GPAM: variants seen among roughly 807,000 people sequenced by gnomAD.
The protein encoded by GPAM is glycerol-3-phosphate acyltransferase 1, mitochondrial.
Under a neutral mutation model 105.0 loss-of-function variants are expected in GPAM, and 56 were observed. The ratio of observed to expected loss-of-function variants is 0.53; its 90% confidence interval spans 0.43 to 0.67. The LOEUF is 0.67. Ranked by LOEUF, GPAM falls within the 30% of genes least tolerant of loss-of-function variation. The pLI is 0.00. For missense variants in GPAM, 855 were observed against 989.8 expected, an observed-to-expected ratio of 0.86 and a Z score of 1.83; for synonymous variants, 368 against 354.4, an observed-to-expected ratio of 1.04 and a Z score of -0.43.
At chr10:112,201,169 TGAG>T (rs1007357443) in intron 1 of GPAM, among the ~76,000 whole-genome samples, 8 of 152,156 alleles carry the variant, frequency 5.3e-5, no homozygotes, top group African/African-American at 1.9e-4. Context: ...GGGGGCAGTG[TGAG>T]GAGAAGAACC....
intron 1 of GPAM, among the ~76,000 whole-genome samples, chr10:112,209,658 C>T (rs1297908713): frequency 6.6e-6 from 1 of 152,106 alleles, no homozygotes; most frequent in African/African-American, 2.4e-5. Context: ...CTCTCAGTAC[C>T]AAGGTTTATC....
intron 1 of GPAM, among the ~76,000 whole-genome samples, chr10:112,204,328 AAG>A (rs1378009178): frequency 1.1e-4 from 17 of 150,936 alleles, no homozygotes; most frequent in African/African-American, 3.9e-4. Context: ...CTGGTGACAC[AAG>A]AGATCTGGGG....
the GPAM span, among the ~76,000 whole-genome samples, chr10:112,226,864 A>G: frequency 6.6e-6 from 1 of 152,186 alleles, no homozygotes; most frequent in Non-Finnish European, 1.5e-5. Context: ...GATTCCATCC[A>G]AGCCATGAGG....
chr10:112,151,439 A>C lies in GPAM; in HGVS notation c.*2111T>G. On this transcript the variant is annotated 3_prime_UTR_variant, in exon 22 of 22. Coordinates refer to ENST00000348367, the MANE Select transcript of GPAM (RefSeq NM_001244949.2). ...CTTTGGTTGAGATTTTTCTCCCTTAAAAAAGATTTTCAAAGCACCAGTTAA... is the reference window on the plus strand; with the variant it reads ...CTTTGGTTGAGATTTTTCTCCCTTACAAAAGATTTTCAAAGCACCAGTTAA... The C allele has an allele frequency of 1.0e-6, 1 of 985,760 alleles. No homozygotes were observed. The highest frequency in any genetic ancestry group is 1.2e-6 in the Non-Finnish European group (1 of 829,866). The allele number at this position is 985,760 out of a possible 1,614,324, so 61.1% of individuals were successfully genotyped here.
chr10:112,214,194 A>G (rs1847943996), intron 1 of GPAM: 1 of 152,130 alleles, frequency 6.6e-6, no homozygotes, highest in Non-Finnish European at 1.5e-5. Flanking sequence ...TTAAGACAAC[A>G]CGGACAGAAG....
At chr10:112,157,194 A>G in intron 19 of GPAM, 55 bp downstream of exon 19, 1 of 1,483,954 alleles carries the variant, frequency 6.7e-7, no homozygotes, top group Admixed American at 1.7e-5. Context: ...ATCTCACTGC[A>G]GCATAAACCT....
chr10:112,157,317 A>C lies in GPAM; in HGVS notation c.2053T>G (p.Ser685Ala), dbSNP rs1372371049. The change falls in exon 19 of 22, where the codon TCT becomes GCT. Residue 685 changes from serine to alanine, a missense_variant. Physicochemically the swap from Ser to Ala is moderately conservative, Grantham distance 99. Transcript: ENST00000348367. ...TCATCTTCTTCATCACTTCTCCAAGACAAAGGTTCTGGAAGCTTCTTGTCC... is the reference window on the plus strand; with the variant it reads ...TCATCTTCTTCATCACTTCTCCAAGCCAAAGGTTCTGGAAGCTTCTTGTCC... Reference protein sequence around the residue: ...QWDKKLPEPLSWRSDEEDEDS... With the variant: ...QWDKKLPEPLAWRSDEEDEDS... 7 of 1,613,522 alleles carry C rather than the reference A, an allele frequency of 4.3e-6. No individual in the cohort carries two copies. Among genetic ancestry groups the C allele is most frequent in the Non-Finnish European group, 5.9e-6 (7 of 1,179,544 alleles).
intron 4 of GPAM, 152 bp downstream of exon 4, chr10:112,180,321 A>C: frequency 1.4e-6 from 1 of 717,400 alleles, no homozygotes; most frequent in East Asian, 2.7e-5. Context: ...ATGGAAAGAA[A>C]AAGTGTGTCA....
intron 8 of GPAM, 119 bp from the exon 9 acceptor site, chr10:112,172,437 A>C (rs1279179902): frequency 1.3e-6 from 1 of 757,400 alleles, no homozygotes; most frequent in Non-Finnish European, 2.4e-6. Flanking sequence ...ACTCTTTAAA[A>C]ACATTTTCCA....
the GPAM span, among the ~76,000 whole-genome samples, chr10:112,227,604 T>C: frequency 6.6e-6 from 1 of 152,154 alleles, no homozygotes; most frequent in Non-Finnish European, 1.5e-5. Flanking sequence ...CTGAAGAAGA[T>C]GGGCCAAGAC....
At chr10:112,186,925 A>T, upstream of GPAM, among the ~76,000 whole-genome samples, 1 of 152,218 alleles carries the variant, frequency 6.6e-6, no homozygotes, top group Non-Finnish European at 1.5e-5. Context: ...AACATGTACA[A>T]ATAAAATGTA....
At chr10:112,181,438 G>GT (rs1847505883) in intron 3 of GPAM, among the ~76,000 whole-genome samples, 1 of 151,956 alleles carries the variant, frequency 6.6e-6, no homozygotes, top group Admixed American at 6.5e-5. Flanking sequence ...TACTACTAGG[G>GT]TTTTTTTCCT....
At chr10:112,204,240 A>T (rs1847833542) in intron 1 of GPAM, among the ~76,000 whole-genome samples, 2 of 148,454 alleles carry the variant, frequency 1.3e-5, no homozygotes, top group African/African-American at 5.1e-5. Context: ...TTATTACAGA[A>T]TTTTTTCTTT....
At chr10:112,204,270 T>G (rs2133298736) in intron 1 of GPAM, among the ~76,000 whole-genome samples, 1 of 151,640 alleles carries the variant, frequency 6.6e-6, no homozygotes, top group Non-Finnish European at 1.5e-5. Context: ...TTTTTTTTTT[T>G]TTGATAGGAA....
intron 19 of GPAM, chr10:112,156,803 CT>C (rs1159893958): frequency 8.8e-4 from 165 of 187,304 alleles, no homozygotes; most frequent in Middle Eastern, 2.2e-3. Flanking sequence ...AAATCAGGGA[CT>C]TTTTTTTTAA....
chr10:112,200,348 C>T (rs1225524118), intron 1 of GPAM, among the ~76,000 whole-genome samples: 1 of 151,614 alleles, frequency 6.6e-6, no homozygotes, highest in African/African-American at 2.4e-5. Flanking sequence ...AGTGCAGTGG[C>T]ACAATCTTGG....
intron 19 of GPAM, 134 bp from the exon 20 acceptor site, chr10:112,156,187 C>T (rs937145151): frequency 1.0e-5 from 7 of 691,860 alleles, no homozygotes; most frequent in Non-Finnish European, 1.6e-5. Context: ...ATGAAAGCGG[C>T]CCCCTGCCCC....
chr10:112,172,123 A>G (rs992969911), intron 9 of GPAM, 59 bp downstream of exon 9: 2 of 1,293,900 alleles, frequency 1.5e-6, no homozygotes, highest in African/African-American at 2.9e-5. Context: ...AATTTAAAAA[A>G]TTAAAATTCA....
At chr10:112,210,186 A>G (rs1847896004) in intron 1 of GPAM, among the ~76,000 whole-genome samples, 1 of 152,246 alleles carries the variant, frequency 6.6e-6, no homozygotes, top group South Asian at 2.1e-4. Context: ...TTCATTGCAC[A>G]TATACTATCA....
Sources: gnomAD v4.1 joint callset for allele counts (sites outside exome capture counted in the v4.1 genomes callset) on GRCh38, gnomAD v4.1.1 for gene constraint, MANE v1.5 for transcripts, NCBI Gene and HGNC (gene_info 2026-07-23, HGNC 2026-07-21) for gene names.